The following GRID2 variants were observed in gnomAD, a reference collection of about 807,000 sequenced individuals.
GRID2 encodes glutamate ionotropic receptor delta type subunit 2.
Under a neutral mutation model 114.8 loss-of-function variants are expected in GRID2, and 33 were observed. The observed-to-expected ratio is 0.29, with a 90% CI of 0.22 to 0.38. GRID2 has a LOEUF of 0.38. Among genes scored for constraint, GRID2 ranks in the 10% least tolerant of loss-of-function variants. The pLI is 1.00. For missense variants in GRID2, 1,184 were observed against 1,257.7 expected (o/e 0.94, Z 0.89); for synonymous variants, 505 against 449.9 (o/e 1.12, Z -1.55).
intron 8 of GRID2, among the ~76,000 whole-genome samples, chr4:93,377,015 T>A (rs765001231): frequency 6.6e-6 from 1 of 152,170 alleles, no homozygotes; most frequent in East Asian, 1.9e-4. Context: ...TTGGGAAGTA[T>A]GATAATGGTG....
intron 1 of GRID2, among the ~76,000 whole-genome samples, chr4:92,329,232 G>T (rs1726753582): frequency 6.6e-6 from 1 of 151,674 alleles, no homozygotes; most frequent in Non-Finnish European, 1.5e-5. Flanking sequence ...TTTTTTCTGA[G>T]GTTCTGATCC....
intron 3 of GRID2, among the ~76,000 whole-genome samples, chr4:93,096,950 G>A (rs1731277001): frequency 1.3e-5 from 2 of 151,954 alleles, no homozygotes; most frequent in African/African-American, 4.8e-5. Flanking sequence ...TTTTCATACA[G>A]TAGAATACTA....
At chr4:92,455,709 G>C (rs1386321276) in intron 1 of GRID2, among the ~76,000 whole-genome samples, 1 of 152,154 alleles carries the variant, frequency 6.6e-6, no homozygotes. Flanking sequence ...AGTGAGGCAC[G>C]AGAGAGGGGA....
In GRID2 at chr4:93,328,216, C is replaced by T. The variant is rs767237122; in HGVS notation, c.1246-67391C>T. Among the ~76,000 whole-genome samples the T allele has an allele frequency of 4.6e-5, 7 of 152,078 alleles. No individual in the cohort carries two copies. In the East Asian group the frequency reaches 1.3e-3, roughly 29 times the overall value. On this transcript the variant is annotated intron_variant, in intron 8 of 15. Transcript: ENST00000282020. ...GATAATGCCACTTATGAGCTAAAAC[C>T]TCCAATGTCTTTCCACCTTATTTAG...
chr4:93,098,968 G>C (rs1011012309), intron 3 of GRID2, among the ~76,000 whole-genome samples: 11 of 149,038 alleles, frequency 7.4e-5, no homozygotes, highest in Non-Finnish European at 7.5e-5. Context: ...ACAGATGATT[G>C]TATTAAAGAA....
At chr4:92,687,207 G>C (rs1322711769) in intron 2 of GRID2, among the ~76,000 whole-genome samples, 5 of 150,202 alleles carry the variant, frequency 3.3e-5, no homozygotes, top group Non-Finnish European at 5.9e-5. Flanking sequence ...CAGGAAAGAG[G>C]CCCGTGTACT....
intron 1 of GRID2, among the ~76,000 whole-genome samples, chr4:93,797,191 A>G (rs1202656611): frequency 6.6e-6 from 1 of 152,266 alleles, no homozygotes; most frequent in Non-Finnish European, 1.5e-5. Flanking sequence ...ATCATTGACC[A>G]AAATGTCATT....
intron 2 of GRID2, among the ~76,000 whole-genome samples, chr4:92,918,931 A>G (rs1749057913): frequency 6.6e-6 from 1 of 152,180 alleles, no homozygotes; most frequent in South Asian, 2.1e-4. Context: ...GAATGGTACC[A>G]GTTCCTCCTT....
intron 13 of GRID2, among the ~76,000 whole-genome samples, chr4:93,553,642 TACA>T (rs980537926): frequency 8.5e-5 from 13 of 152,210 alleles, no homozygotes; most frequent in African/African-American, 2.9e-4. Flanking sequence ...GATACACTTG[TACA>T]ACAAGTTATG....
chr4:93,101,115 A>T (rs1304877871), intron 3 of GRID2, among the ~76,000 whole-genome samples: 1 of 151,980 alleles, frequency 6.6e-6, no homozygotes, highest in Non-Finnish European at 1.5e-5. Flanking sequence ...CTTGAAACAG[A>T]TTTATTTGTT....
intron 2 of GRID2, among the ~76,000 whole-genome samples, chr4:92,733,320 A>G (rs1177486355): frequency 6.6e-6 from 1 of 152,106 alleles, no homozygotes. Context: ...CTGGACCTTT[A>G]AAGCTTTTTC....
chr4:93,007,115 A>AT (rs1474965295), intron 2 of GRID2, among the ~76,000 whole-genome samples: 12 of 152,214 alleles, frequency 7.9e-5, no homozygotes, highest in Admixed American at 5.9e-4. Context: ...AGCATCAGCC[A>AT]TTAGGTAGCT....
At chr4:93,732,863 C>T (rs1730607758) in intron 14 of GRID2, among the ~76,000 whole-genome samples, 1 of 150,840 alleles carries the variant, frequency 6.6e-6, no homozygotes, top group African/African-American at 2.4e-5. Context: ...TCTAAGAAAA[C>T]AACACATCCC....
At chr4:92,774,510 C>A (rs1182489198) in intron 2 of GRID2, among the ~76,000 whole-genome samples, 1 of 148,726 alleles carries the variant, frequency 6.7e-6, no homozygotes, top group African/African-American at 2.5e-5. Context: ...TTATCCCATA[C>A]ATTTAGATTA....
chr4:93,648,720 G>T (rs1578475443), intron 14 of GRID2, among the ~76,000 whole-genome samples: 1 of 152,166 alleles, frequency 6.6e-6, no homozygotes, highest in African/African-American at 2.4e-5. Flanking sequence ...CAAGTTCCAG[G>T]TGATGCTGTG....
In GRID2 at chr4:92,998,005, G is replaced by T. The variant is rs754593332; in HGVS notation, c.245-86990G>T. ...TTCTTGGTGGCTCCTAAAAGCTATGGCTTTATTTTCCCTTAAGTTCAAATA... is the reference window on the plus strand; with the variant it reads ...TTCTTGGTGGCTCCTAAAAGCTATGTCTTTATTTTCCCTTAAGTTCAAATA... On this transcript the variant is annotated intron_variant, in intron 2 of 15. Coordinates refer to ENST00000282020, the MANE Select transcript of GRID2 (RefSeq NM_001510.4). 5.3e-5 allele frequency among the ~76,000 whole-genome samples: 8 copies of T among 151,944 alleles called. No individual in the cohort carries two copies. In the East Asian group the frequency reaches 1.6e-3, roughly 30 times the overall value.
chr4:93,186,958 G>A (rs1043286554), intron 4 of GRID2, among the ~76,000 whole-genome samples: 4 of 152,118 alleles, frequency 2.6e-5, no homozygotes, highest in Non-Finnish European at 5.9e-5. Context: ...TTGGGTGTCT[G>A]GTGAGGGCTC....
In GRID2 at chr4:92,975,156, C is replaced by CAAAAAAAAAAAAAAAAAAAAAAA. The variant is rs527770693; in HGVS notation, c.245-109818_245-109817insAAAAAAAAAAAAAAAAAAAAAAA. On this transcript the variant is annotated intron_variant, in intron 2 of 15. Transcript: ENST00000282020. Reference sequence around the variant, plus strand: ...TGGGCGACAGAGTGAGATTCCGCCTCAAAAAAAAAAAAAAAAAAAAAGGTG... The same window carrying CAAAAAAAAAAAAAAAAAAAAAAA: ...TGGGCGACAGAGTGAGATTCCGCCTCAAAAAAAAAAAAAAAAAAAAAAAAAAAAAAAAAAAAAAAAAAAAGGTG... Among the ~76,000 whole-genome samples, 92 of 46,662 alleles carry CAAAAAAAAAAAAAAAAAAAAAAA rather than the reference C, an allele frequency of 2.0e-3. 12 individuals carry two copies. The highest frequency in any genetic ancestry group is 3.8e-3 in the African/African-American group (39 of 10,192). The allele number at this position is 46,662 out of a possible 152,430, so 30.6% of individuals were successfully genotyped here.
At chr4:92,397,171 T>C (rs1730531250) in intron 1 of GRID2, among the ~76,000 whole-genome samples, 1 of 152,056 alleles carries the variant, frequency 6.6e-6, no homozygotes, top group Non-Finnish European at 1.5e-5. Flanking sequence ...TTACAATTAT[T>C]ATAGATAATT....
Sources: allele counts gnomAD v4.1 joint callset (sites outside exome capture counted in the v4.1 genomes callset), GRCh38; gene constraint gnomAD v4.1.1; transcripts MANE v1.5; gene names NCBI Gene and HGNC (gene_info 2026-07-23, HGNC 2026-07-21).